SBF2: variants seen among roughly 807,000 people sequenced by gnomAD.
SBF2 encodes SET binding factor 2.
A neutral mutation model predicts 225.2 loss-of-function variants in SBF2; 112 were observed. The ratio of observed to expected loss-of-function variants is 0.50; its 90% CI spans 0.43 to 0.58. The LOEUF (loss-of-function observed/expected upper bound fraction) is 0.58, where lower values mean the gene tolerates loss of function less well. Among genes scored for constraint, SBF2 ranks in the 20% least tolerant of loss-of-function variants. SBF2 has a pLI of 0.00. For synonymous variants in SBF2, 763 were observed against 773.3 expected (o/e 0.99, Z 0.22); for missense variants, 1,996 against 2,206.2 (o/e 0.90, Z 1.91).
chr11:10,203,066 G>A lies in SBF2; in HGVS notation c.56-9079C>T, dbSNP rs538273102. 1.6e-3 allele frequency among the ~76,000 whole-genome samples: 238 copies of A among 150,376 alleles called. 1 individual carries two copies. The highest frequency in any genetic ancestry group is 5.6e-3 in the African/African-American group (230 of 40,862). Reference sequence around the variant, plus strand: ...AGCTGGGGTGGGGGGGTGAGAGGGGGGTGCAGTTTCTAGACTGCAGTTCAA... The same window carrying A: ...AGCTGGGGTGGGGGGGTGAGAGGGGAGTGCAGTTTCTAGACTGCAGTTCAA... On this transcript the variant is annotated intron_variant, in intron 1 of 39. Coordinates refer to ENST00000256190, the MANE Select transcript of SBF2 (RefSeq NM_030962.4).
intron 2 of SBF2, among the ~76,000 whole-genome samples, chr11:10,073,792 G>C (rs1950986734): frequency 6.6e-6 from 1 of 152,106 alleles, no homozygotes; most frequent in Non-Finnish European, 1.5e-5. Flanking sequence ...GTTTGGATGT[G>C]AATTCAAACA....
At chr11:10,133,857 C>T (rs1431825480) in intron 2 of SBF2, among the ~76,000 whole-genome samples, 2 of 152,238 alleles carry the variant, frequency 1.3e-5, no homozygotes, top group African/African-American at 4.8e-5. Flanking sequence ...TGCCAGCACG[C>T]TGTCACCTCT....
At chr11:10,291,508 T>A (rs1964155063) in intron 1 of SBF2, among the ~76,000 whole-genome samples, 1 of 152,208 alleles carries the variant, frequency 6.6e-6, no homozygotes, top group Admixed American at 6.5e-5. Flanking sequence ...AGTAACAGAA[T>A]ATAATCCGCG....
chr11:10,007,371 A>C (rs564288250), intron 6 of SBF2, among the ~76,000 whole-genome samples: 1 of 152,342 alleles, frequency 6.6e-6, no homozygotes, highest in East Asian at 1.9e-4. Flanking sequence ...TTTGACTCCA[A>C]AACCCTAAAA....
intron 6 of SBF2, among the ~76,000 whole-genome samples, chr11:10,024,141 G>A (rs1948963311): frequency 6.6e-6 from 1 of 152,004 alleles, no homozygotes; most frequent in Non-Finnish European, 1.5e-5. Context: ...TCTATGTTGC[G>A]TGTATCAGCC....
intron 1 of SBF2, among the ~76,000 whole-genome samples, chr11:10,213,152 G>A (rs1958001151): frequency 1.3e-5 from 2 of 152,086 alleles, no homozygotes. Context: ...ACCAAGGCCA[G>A]AGAAGACAGC....
intron 17 of SBF2, 138 bp downstream of exon 17, chr11:9,895,805 G>A: frequency 2.8e-6 from 2 of 716,636 alleles, no homozygotes; most frequent in South Asian, 2.9e-5. Context: ...TGCAATAAAT[G>A]TTATAATAAA....
rs959559753 is a variant in SBF2 at position 9,992,993 on chromosome 11, G to A, written c.1164C>T (p.His388=). Residue 388 remains histidine, a synonymous_variant, in exon 11 of 40, where the codon CAC becomes CAT. Transcript: ENST00000256190. ...ACAATATAGTACTCTATCTTACCTTGTGGAAATGTATTACTGGCTCTGCAT... is the reference window on the plus strand; with the variant it reads ...ACAATATAGTACTCTATCTTACCTTATGGAAATGTATTACTGGCTCTGCAT... The part of the protein sequence containing the change: ...RIHAEPVIHF[H]KTAFLGQRGL... 2.3e-5 allele frequency: 36 copies of A among 1,593,560 alleles called. No individual in the cohort carries two copies. Among genetic ancestry groups the A allele is most frequent in the Middle Eastern group, 1.7e-4 (1 of 6,054 alleles).
chr11:10,037,447 C>T (rs1270160991), intron 3 of SBF2, among the ~76,000 whole-genome samples: 1 of 152,064 alleles, frequency 6.6e-6, no homozygotes, highest in Non-Finnish European at 1.5e-5. Flanking sequence ...TTCCCAAATA[C>T]TGCTATTTCG....
chr11:10,001,532 T>C (rs1947957622), intron 7 of SBF2, among the ~76,000 whole-genome samples: 1 of 152,036 alleles, frequency 6.6e-6, no homozygotes, highest in South Asian at 2.1e-4. Context: ...AAATAAATTT[T>C]TTTTTTTTTT....
chr11:10,186,325 G>T (rs2135304878), intron 2 of SBF2, among the ~76,000 whole-genome samples: 1 of 152,166 alleles, frequency 6.6e-6, no homozygotes, highest in African/African-American at 2.4e-5. Context: ...ATTACTTGAG[G>T]CCAGGAGTTT....
chr11:9,838,225 T>C, intron 26 of SBF2: 1 of 152,178 alleles, frequency 6.6e-6, no homozygotes, highest in Non-Finnish European at 1.5e-5. Context: ...TGGATTATTT[T>C]TTATTATTCC....
chr11:9,856,373 G>C, intron 19 of SBF2, 85 bp downstream of exon 19: 1 of 1,543,778 alleles, frequency 6.5e-7, no homozygotes, highest in South Asian at 1.1e-5. Flanking sequence ...AGCAGTATTT[G>C]CTCAAAATGT....
At chr11:10,001,579 T>C (rs1442572757) in intron 7 of SBF2, among the ~76,000 whole-genome samples, 1 of 151,892 alleles carries the variant, frequency 6.6e-6, no homozygotes, top group Non-Finnish European at 1.5e-5. Flanking sequence ...GGCTGGAGTG[T>C]AGTGGTGCGA....
Position 9,895,976 on chromosome 11 carries a change from T to A in SBF2, c.1896A>T (p.Ala632=). The A allele has an allele frequency of 6.2e-7, 1 of 1,613,450 alleles. No homozygotes were observed. Among genetic ancestry groups the A allele is most frequent in the Non-Finnish European group, 8.5e-7 (1 of 1,179,526 alleles). The change falls in exon 17 of 40, where the codon GCA becomes GCT. Residue 632 remains alanine (A), a synonymous_variant. Transcript: ENST00000256190. Reference sequence around the variant, plus strand: ...AAGCACTGGTCAAAGGGAGTAATGCTGCGGCAATGTTGTATTCTTCTAAAC... The same window carrying A: ...AAGCACTGGTCAAAGGGAGTAATGCAGCGGCAATGTTGTATTCTTCTAAAC... The part of the protein sequence containing the change: ...CSSLEEYNIA[A]ALLPLTSAFY...
At chr11:9,821,815 C>T (rs1245640207) in intron 28 of SBF2, among the ~76,000 whole-genome samples, 1 of 152,068 alleles carries the variant, frequency 6.6e-6, no homozygotes, top group Non-Finnish European at 1.5e-5. Flanking sequence ...TTAGTACTAC[C>T]TGAATTGTGA....
At chr11:10,277,061 A>G (rs1963005460) in intron 1 of SBF2, among the ~76,000 whole-genome samples, 1 of 146,830 alleles carries the variant, frequency 6.8e-6, no homozygotes. Context: ...GGGAGACCCC[A>G]TCTCTACAAA....
At chr11:10,175,771 T>C (rs1472229089) in intron 2 of SBF2, among the ~76,000 whole-genome samples, 1 of 151,658 alleles carries the variant, frequency 6.6e-6, no homozygotes, top group Non-Finnish European at 1.5e-5. Flanking sequence ...AGTAAAGCAC[T>C]CCTCAGCAAA....
intron 6 of SBF2, among the ~76,000 whole-genome samples, chr11:10,010,604 T>C (rs1948406744): frequency 6.6e-6 from 1 of 152,184 alleles, no homozygotes; most frequent in Admixed American, 6.5e-5. Flanking sequence ...TATGTATCTG[T>C]TTTGGTACCA....
Sources: gnomAD v4.1 joint callset for allele counts (sites outside exome capture counted in the v4.1 genomes callset) on GRCh38, gnomAD v4.1.1 for gene constraint, MANE v1.5 for transcripts, NCBI Gene and HGNC (gene_info 2026-07-23, HGNC 2026-07-21) for gene names.